The following B4GALNT2 variants were observed in gnomAD, a reference collection of about 807,000 sequenced individuals.
B4GALNT2 encodes the protein N-acetylneuraminylgalactosylglucosyl-glucoside beta-1,4-N- acetylgalactosaminyltransferase 2.
B4GALNT2 carries 42 observed loss-of-function variants against 51.1 expected under a neutral mutation model. The observed-to-expected ratio is 0.82, with a 90% CI of 0.64 to 1.06. The LOEUF (loss-of-function observed/expected upper bound fraction) is 1.06. Ranked by LOEUF, B4GALNT2 falls within the 50% of genes least tolerant of loss-of-function variation. B4GALNT2 has a pLI of 0.00. For synonymous variants in B4GALNT2, 253 were observed against 251.7 expected (o/e 1.01, Z -0.05); for missense variants, 602 against 633.6 (o/e 0.95, Z 0.54).
At chr17:49,125,216 A>G in the B4GALNT2 span, among the ~76,000 whole-genome samples, 24 of 152,108 alleles carry the variant, frequency 1.6e-4, 2 homozygotes, top group Admixed American at 1.2e-3. Flanking sequence ...CTGGAGTGCA[A>G]TGGTGCAATC....
intron 4 of B4GALNT2, 145 bp downstream of exon 4, chr17:49,153,051 T>C: frequency 1.4e-6 from 1 of 718,730 alleles, no homozygotes; most frequent in South Asian, 1.6e-5. Flanking sequence ...TGCAGTGAGC[T>C]ATCATCTTGC....
At chr17:49,135,323 T>C (rs1194725944) in intron 1 of B4GALNT2, among the ~76,000 whole-genome samples, 1 of 152,154 alleles carries the variant, frequency 6.6e-6, no homozygotes, top group Non-Finnish European at 1.5e-5. Context: ...ACTTTGCTCT[T>C]TAGTAGTAAT....
In B4GALNT2 at chr17:49,173,989, G is replaced by A. The variant is rs2042973324; in HGVS notation, c.*4261G>A. ...AATGGCATAGGTAGGAATGCCTAGA[G>A]TAGGTCATATCCAATTAATGTCCCC... On this transcript the variant is annotated 3_prime_UTR_variant, in exon 11 of 11. Transcript: ENST00000393354. The A allele has an allele frequency of 6.6e-6, 1 of 152,198 alleles. No individual in the cohort carries two copies. The highest frequency in any genetic ancestry group is 1.5e-5 in the Non-Finnish European group (1 of 68,026). 9.4% of individuals were successfully genotyped at this position (152,198 alleles called of 1,614,324 possible).
intron 5 of B4GALNT2, among the ~76,000 whole-genome samples, chr17:49,157,245 T>A (rs570232162): frequency 6.6e-6 from 1 of 152,114 alleles, no homozygotes; most frequent in Admixed American, 6.5e-5. Context: ...ACTGCAGGCT[T>A]GACCTCCTGG....
At chr17:49,140,321 C>T (rs1009634889) in intron 1 of B4GALNT2, among the ~76,000 whole-genome samples, 19 of 151,948 alleles carry the variant, frequency 1.3e-4, no homozygotes, top group Admixed American at 9.8e-4. Context: ...AGGATGGTCT[C>T]GATCTCCTGA....
intron 8 of B4GALNT2, among the ~76,000 whole-genome samples, chr17:49,164,792 C>T (rs2042896592): frequency 6.7e-6 from 1 of 150,318 alleles, no homozygotes; most frequent in African/African-American, 2.5e-5. Context: ...TCACACCCAG[C>T]CTCTCATTTC....
intron 8 of B4GALNT2, 99 bp downstream of exon 8, chr17:49,164,374 C>T: frequency 8.8e-7 from 1 of 1,131,358 alleles, no homozygotes; most frequent in Non-Finnish European, 1.3e-6. Context: ...AAGGGTCTTC[C>T]CAAGAAAGCA....
intron 4 of B4GALNT2, among the ~76,000 whole-genome samples, chr17:49,153,271 T>A (rs12948417): frequency 0.27 from 40,710 of 151,818 alleles, 5,687 homozygotes; most frequent in East Asian, 0.49. Context: ...AAAAATTAGC[T>A]GGATGTGGCG....
At chr17:49,162,218 C>T (rs1008973574) in intron 7 of B4GALNT2, among the ~76,000 whole-genome samples, 2 of 151,982 alleles carry the variant, frequency 1.3e-5, no homozygotes, top group Non-Finnish European at 2.9e-5. Flanking sequence ...AAAAAATCTT[C>T]GATTCACATT....
chr17:49,145,774 T>C (rs1228124293), intron 3 of B4GALNT2, among the ~76,000 whole-genome samples: 1 of 152,168 alleles, frequency 6.6e-6, no homozygotes, highest in Admixed American at 6.6e-5. Flanking sequence ...CTTACCTCCA[T>C]TGTGGAGTAG....
At chr17:49,148,300 G>GAA in intron 3 of B4GALNT2, 4 of 325,208 alleles carry the variant, frequency 1.2e-5, no homozygotes, top group Non-Finnish European at 2.4e-5. Context: ...ATCCTGTCTC[G>GAA]AAAAAAAAAT....
At chr17:49,126,125 A>G in the B4GALNT2 span, among the ~76,000 whole-genome samples, 6 of 152,254 alleles carry the variant, frequency 3.9e-5, no homozygotes, top group Non-Finnish European at 8.8e-5. Flanking sequence ...AGAAGTAGAC[A>G]TGGGAAACTT....
intron 1 of B4GALNT2, among the ~76,000 whole-genome samples, chr17:49,137,218 G>T (rs1180534868): frequency 6.6e-6 from 1 of 152,154 alleles, no homozygotes; most frequent in Non-Finnish European, 1.5e-5. Context: ...AATATGGTTT[G>T]AATGTGCCCC....
rs2042988791 is a variant in B4GALNT2 at position 49,176,466 on chromosome 17, T to A, written c.*6738T>A. On this transcript the variant is annotated 3_prime_UTR_variant, in exon 11 of 11. Transcript: ENST00000393354. ...AAACAAAGGGATGGGCTCTGGCTAG[T>A]TATCTGCCACGTCCTTAAGGCACAG... is the stretch of plus-strand genomic sequence containing the variant. 6.9e-6 allele frequency: 1 copy of A among 144,540 alleles called. No homozygotes were observed. Among genetic ancestry groups the A allele is most frequent in the Non-Finnish European group, 1.5e-5 (1 of 66,506 alleles). The allele number at this position is 144,540 out of a possible 1,614,324, so 9.0% of individuals were successfully genotyped here.
Position 49,176,438 on chromosome 17 carries a change from C to T in B4GALNT2, c.*6710C>T, listed in dbSNP as rs972931990. The T allele has an allele frequency of 6.6e-6, 1 of 151,982 alleles. No individual in the cohort carries two copies. The highest frequency in any genetic ancestry group is 2.4e-5 in the African/African-American group (1 of 41,294). 9.4% of individuals were successfully genotyped at this position (151,982 alleles called of 1,614,324 possible). Reference sequence around the variant, plus strand: ...TCCTTATGGGAAACAAAGGGATGGACTGAAACAAAGGGATGGGCTCTGGCT... The same window carrying T: ...TCCTTATGGGAAACAAAGGGATGGATTGAAACAAAGGGATGGGCTCTGGCT... On this transcript the variant is annotated 3_prime_UTR_variant, in exon 11 of 11. Coordinates refer to ENST00000393354, the MANE Select transcript of B4GALNT2 (RefSeq NM_001159387.2).
chr17:49,141,560 GC>G (rs1489869319), intron 2 of B4GALNT2, 113 bp downstream of exon 2: 10 of 1,187,272 alleles, frequency 8.4e-6, no homozygotes, highest in Non-Finnish European at 9.5e-6. Flanking sequence ...GCTTTCCTAA[GC>G]CTGTGCTGAA....
intron 9 of B4GALNT2, among the ~76,000 whole-genome samples, chr17:49,167,962 A>T (rs987678676): frequency 6.6e-6 from 1 of 152,092 alleles, no homozygotes; most frequent in Non-Finnish European, 1.5e-5. Flanking sequence ...AGTGTCTATT[A>T]TTCCACACCG....
chr17:49,126,507 A>AAC, the B4GALNT2 span, among the ~76,000 whole-genome samples: 6 of 150,770 alleles, frequency 4.0e-5, no homozygotes, highest in Non-Finnish European at 5.9e-5. Context: ...AAAAAAAAAA[A>AAC]AAAAACAAAC....
At chr17:49,125,608 G>A in the B4GALNT2 span, among the ~76,000 whole-genome samples, 2 of 142,596 alleles carry the variant, frequency 1.4e-5, no homozygotes, top group African/African-American at 5.2e-5. Flanking sequence ...GCTGCCCGTC[G>A]TCTGGGATGT....
Sources: allele counts gnomAD v4.1 joint callset (sites outside exome capture counted in the v4.1 genomes callset), GRCh38; gene constraint gnomAD v4.1.1; transcripts MANE v1.5; gene names NCBI Gene and HGNC (gene_info 2026-07-23, HGNC 2026-07-21).